TOX3: variants seen among roughly 807,000 people sequenced by gnomAD.
The protein encoded by TOX3 is CAG trinucleotide repeat-containing gene F9 protein.
In TOX3, 22 loss-of-function variants were observed where a neutral mutation model predicts 64.3. The ratio of observed to expected loss-of-function variants is 0.34; its 90% CI spans 0.24 to 0.49. The LOEUF (loss-of-function observed/expected upper bound fraction) is 0.49. Among genes scored for constraint, TOX3 ranks in the 20% least tolerant of loss-of-function variants. The probability of loss-of-function intolerance (pLI) is 0.99; values close to 1 mark genes in which losing one functional copy is unlikely to be tolerated. For synonymous variants in TOX3, 291 were observed against 273.6 expected (o/e 1.06, Z -0.63); for missense variants, 661 against 714.4 (o/e 0.93, Z 0.85).
At chr16:52,491,217 CTCT>C (rs760791542) in intron 1 of TOX3, among the ~76,000 whole-genome samples, 3 of 152,130 alleles carry the variant, frequency 2.0e-5, no homozygotes, top group Non-Finnish European at 4.4e-5. Flanking sequence ...CATAATCCTT[CTCT>C]TCTTCTTGGT....
intron 1 of TOX3, among the ~76,000 whole-genome samples, chr16:52,510,818 GCT>G (rs1015342205): frequency 1.3e-5 from 2 of 150,812 alleles, no homozygotes; most frequent in African/African-American, 4.9e-5. Context: ...TTGTCTTCTG[GCT>G]CTCTCCCTAA....
At chr16:52,527,054 G>T (rs898486320) in intron 1 of TOX3, among the ~76,000 whole-genome samples, 1 of 151,824 alleles carries the variant, frequency 6.6e-6, no homozygotes, top group Admixed American at 6.6e-5. Context: ...AGACAAAACT[G>T]CTTCTTAAAT....
At chr16:52,487,567 A>C (rs536996993) in intron 1 of TOX3, among the ~76,000 whole-genome samples, 1 of 152,290 alleles carries the variant, frequency 6.6e-6, no homozygotes, top group East Asian at 1.9e-4. Flanking sequence ...AAAGTATCTG[A>C]ATGTGTTCAT....
At chr16:52,466,224 C>T (rs1480877085) in intron 2 of TOX3, among the ~76,000 whole-genome samples, 1 of 152,132 alleles carries the variant, frequency 6.6e-6, no homozygotes, top group Non-Finnish European at 1.5e-5. Context: ...GTAATTAACA[C>T]TTGAAATATT....
chr16:52,491,579 T>C (rs960824442), intron 1 of TOX3, among the ~76,000 whole-genome samples: 14 of 152,256 alleles, frequency 9.2e-5, no homozygotes, highest in Admixed American at 3.3e-4. Flanking sequence ...ATCATCAGAG[T>C]TGCAATTTTA....
At position 52,438,520 on chromosome 16, in the gene TOX3, T is replaced by A. The variant is rs1184583772; in HGVS notation, c.*705A>T. On this transcript the variant is annotated 3_prime_UTR_variant, in exon 7 of 7. Transcript: ENST00000219746. Reference sequence around the variant, plus strand: ...AATATAGTATTCACATTTCTTCTAATTGGAATGAATATAATGGGCTAACAG... The same window carrying A: ...AATATAGTATTCACATTTCTTCTAAATGGAATGAATATAATGGGCTAACAG... The A allele has an allele frequency of 6.5e-6, 1 of 152,770 alleles. No individual in the cohort carries two copies. Among genetic ancestry groups the A allele is most frequent in the East Asian group, 1.9e-4 (1 of 5,204 alleles). The allele number at this position is 152,770 out of a possible 1,614,324, so 9.5% of individuals were successfully genotyped here. A position where few individuals can be genotyped will look rare whatever the true frequency, so the allele number is the denominator to read the frequency against.
rs1022071964 is a variant in TOX3 at position 52,546,824 on chromosome 16, G to A, written c.-101C>T. On this transcript the variant is annotated 5_prime_UTR_variant, in exon 1 of 7. Transcript: ENST00000219746. Reference sequence around the variant, plus strand: ...GATCCACCGTCGAGGGCGCCCGGGGGTGGCGCGTGGGACTCGCGGCCGGAG... The same window carrying A: ...GATCCACCGTCGAGGGCGCCCGGGGATGGCGCGTGGGACTCGCGGCCGGAG... The A allele has an allele frequency of 1.2e-5, 15 of 1,271,896 alleles. No individual in the cohort carries two copies. The highest frequency in any genetic ancestry group is 3.1e-5 in the African/African-American group (2 of 64,160). The allele number at this position is 1,271,896 out of a possible 1,614,324, so 78.8% of individuals were successfully genotyped here.
At chr16:52,517,148 C>A (rs569415589) in intron 1 of TOX3, among the ~76,000 whole-genome samples, 47 of 152,252 alleles carry the variant, frequency 3.1e-4, no homozygotes, top group Non-Finnish European at 5.9e-4. Context: ...AGATTTCCTG[C>A]CCCCTGCCAT....
chr16:52,469,495 G>A (rs970168773), intron 1 of TOX3, among the ~76,000 whole-genome samples: 3 of 152,092 alleles, frequency 2.0e-5, no homozygotes, highest in Admixed American at 6.6e-5. Context: ...ATTTTTAACT[G>A]GTAAAAGAAT....
chr16:52,537,859 T>A (rs778911334), intron 1 of TOX3, among the ~76,000 whole-genome samples: 1 of 131,560 alleles, frequency 7.6e-6, no homozygotes, highest in Non-Finnish European at 1.5e-5. Context: ...ACTACTTGAG[T>A]ACAGCCTGGC....
intron 1 of TOX3, among the ~76,000 whole-genome samples, chr16:52,489,790 T>C (rs1249345692): frequency 6.6e-6 from 1 of 152,054 alleles, no homozygotes; most frequent in Non-Finnish European, 1.5e-5. Context: ...CACCCAGAAA[T>C]CAATCACTCT....
At chr16:52,522,005 G>A (rs1009264492) in intron 1 of TOX3, among the ~76,000 whole-genome samples, 14 of 152,214 alleles carry the variant, frequency 9.2e-5, no homozygotes, top group Non-Finnish European at 1.6e-4. Flanking sequence ...TTCCATTTCC[G>A]TTTCTGTTAA....
At chr16:52,443,296 T>C (rs956482528) in intron 6 of TOX3, among the ~76,000 whole-genome samples, 5 of 152,198 alleles carry the variant, frequency 3.3e-5, no homozygotes, top group East Asian at 3.8e-4. Context: ...GGTTTTGCTA[T>C]TGACCTGATA....
At chr16:52,448,014 C>T (rs1413362261) in intron 4 of TOX3, among the ~76,000 whole-genome samples, 2 of 151,996 alleles carry the variant, frequency 1.3e-5, no homozygotes, top group Non-Finnish European at 2.9e-5. Flanking sequence ...ATTCAAATGT[C>T]GACCACCTTT....
chr16:52,513,256 C>T (rs1212669678), intron 1 of TOX3, among the ~76,000 whole-genome samples: 1 of 152,190 alleles, frequency 6.6e-6, no homozygotes. Flanking sequence ...GCATCATCTT[C>T]CAAACAACAG....
chr16:52,498,590 G>GA (rs71376168), intron 1 of TOX3, among the ~76,000 whole-genome samples: 1 of 151,412 alleles, frequency 6.6e-6, no homozygotes, highest in African/African-American at 2.4e-5. Flanking sequence ...TGTGGGGTTG[G>GA]GGGGGGGAGG....
intron 1 of TOX3, among the ~76,000 whole-genome samples, chr16:52,515,540 G>C (rs1484040965): frequency 1.3e-5 from 2 of 152,142 alleles, no homozygotes; most frequent in Non-Finnish European, 2.9e-5. Context: ...ATCCTCTCCT[G>C]ATGTTACGCT....
At chr16:52,486,894 C>T (rs1318279957) in intron 1 of TOX3, among the ~76,000 whole-genome samples, 2 of 152,040 alleles carry the variant, frequency 1.3e-5, no homozygotes, top group Non-Finnish European at 2.9e-5. Context: ...TATGATTGTA[C>T]CACTGCACTC....
chr16:52,458,969 A>T (rs1357482767), intron 3 of TOX3, among the ~76,000 whole-genome samples: 1 of 152,194 alleles, frequency 6.6e-6, no homozygotes, highest in African/African-American at 2.4e-5. Context: ...GTAGTCAAAA[A>T]AAAAGAAAGA....
Sources: allele counts gnomAD v4.1 joint callset (sites outside exome capture counted in the v4.1 genomes callset), GRCh38; gene constraint gnomAD v4.1.1; transcripts MANE v1.5; gene names NCBI Gene and HGNC (gene_info 2026-07-23, HGNC 2026-07-21).